USP30: variants seen among roughly 807,000 people sequenced by gnomAD.
USP30 encodes ubiquitin specific peptidase 30, also known as ubiquitin carboxyl-terminal hydrolase 30.
Under a neutral mutation model 68.2 loss-of-function variants are expected in USP30, and 41 were observed. That is an observed-to-expected ratio of 0.60 (90% CI 0.47 to 0.78). USP30 has a LOEUF of 0.78. USP30 is among the 30% of genes least tolerant of loss of function. USP30 has a pLI of 0.00. For synonymous variants in USP30, 229 were observed against 253.7 expected, an observed-to-expected ratio of 0.90 and a Z score of 0.93; for missense variants, 522 against 649.4, an observed-to-expected ratio of 0.80 and a Z score of 2.13.
intron 3 of USP30, among the ~76,000 whole-genome samples, chr12:109,061,991 A>T (rs2041083768): frequency 1.3e-5 from 2 of 152,128 alleles, no homozygotes; most frequent in African/African-American, 4.8e-5. Context: ...GCTGAAGTGC[A>T]GTGGTGCAGT....
At chr12:109,036,469 T>A (rs2040521599) in intron 3 of USP30, among the ~76,000 whole-genome samples, 1 of 152,070 alleles carries the variant, frequency 6.6e-6, no homozygotes, top group Non-Finnish European at 1.5e-5. Context: ...AGCTAATTTT[T>A]GTATTTTGGA....
At chr12:109,048,739 CAAA>C (rs60197959), upstream of USP30, among the ~76,000 whole-genome samples, 3 of 86,982 alleles carry the variant, frequency 3.4e-5, no homozygotes, top group Non-Finnish European at 2.5e-5. Context: ...GACTCTGTCT[CAAA>C]AAAAAAAAAA....
At chr12:109,081,550 G>T in intron 8 of USP30, 157 bp downstream of exon 8, 1 of 822,490 alleles carries the variant, frequency 1.2e-6, no homozygotes, top group Non-Finnish European at 1.9e-6. Flanking sequence ...ATGATTATGG[G>T]AGAGAGGAAA....
chr12:109,067,093 T>C (rs1324133420), intron 3 of USP30, among the ~76,000 whole-genome samples: 1 of 149,960 alleles, frequency 6.7e-6, no homozygotes, highest in Admixed American at 6.7e-5. Context: ...CTAAGGTTAA[T>C]CCTACAGTCC....
Position 109,035,605 on chromosome 12 carries a change from G to A in USP30, c.-136+8049G>A, listed in dbSNP as rs11066540. On this transcript the variant is annotated intron_variant, in intron 3 of 15. Transcript: ENST00000392784. ...TCTTGATCTCTTGGCCTAGTGATCC[G>A]CCCACCTCGGCCTCCCAAAGTGCTG... Among the ~76,000 whole-genome samples, 1,361 of 152,118 alleles carry A rather than the reference G, an allele frequency of 8.9e-3. 17 individuals are homozygous for A. The highest frequency in any genetic ancestry group is 0.031 in the African/African-American group (1,301 of 41,500).
chr12:109,068,578 C>CT (rs1172986420), intron 4 of USP30, among the ~76,000 whole-genome samples: 11 of 152,146 alleles, frequency 7.2e-5, no homozygotes, highest in Non-Finnish European at 1.6e-4. Context: ...TTAGAAAATA[C>CT]TTTTAAAATC....
intron 2 of USP30, among the ~76,000 whole-genome samples, chr12:109,057,321 T>C (rs2040908227): frequency 6.6e-6 from 1 of 152,186 alleles, no homozygotes; most frequent in African/African-American, 2.4e-5. Flanking sequence ...ACAGTTATAA[T>C]TGAGGTTTAT....
At chr12:109,050,250 C>T (rs1396254437), upstream of USP30, among the ~76,000 whole-genome samples, 2 of 152,076 alleles carry the variant, frequency 1.3e-5, no homozygotes, top group Non-Finnish European at 2.9e-5. Flanking sequence ...GCTGAGATCA[C>T]GCCACTGCAC....
intron 7 of USP30, among the ~76,000 whole-genome samples, chr12:109,078,733 TC>T (rs1371155666): frequency 2.0e-5 from 3 of 152,238 alleles, no homozygotes; most frequent in South Asian, 2.1e-4. Context: ...CCTAAAAACT[TC>T]CTTTTAACAT....
chr12:109,054,090 A>T (rs1441844444), intron 1 of USP30: 4 of 455,392 alleles, frequency 8.8e-6, no homozygotes, highest in Non-Finnish European at 1.8e-5. Flanking sequence ...CTTAAATATT[A>T]GTGTTTGATT....
chr12:109,023,888 C>T (rs1047458619), intron 1 of USP30, among the ~76,000 whole-genome samples: 2 of 151,992 alleles, frequency 1.3e-5, no homozygotes, highest in Non-Finnish European at 2.9e-5. Flanking sequence ...CTGCCTCGGC[C>T]TCCCAAAGTG....
chr12:109,044,478 AAAAG>A (rs2040586755), intron 3 of USP30, among the ~76,000 whole-genome samples: 1 of 151,634 alleles, frequency 6.6e-6, no homozygotes, highest in Non-Finnish European at 1.5e-5. Context: ...TCTCTACAAA[AAAAG>A]AAAAATCAGC....
At chr12:109,034,474 C>G (rs1263050025) in intron 3 of USP30, among the ~76,000 whole-genome samples, 1 of 152,076 alleles carries the variant, frequency 6.6e-6, no homozygotes, top group Non-Finnish European at 1.5e-5. Flanking sequence ...TGCCTGTAAT[C>G]CCAACGCTTT....
At chr12:109,032,400 A>G (rs2040489150) in intron 3 of USP30, among the ~76,000 whole-genome samples, 1 of 152,244 alleles carries the variant, frequency 6.6e-6, no homozygotes, top group Admixed American at 6.5e-5. Flanking sequence ...AATGTTTATC[A>G]AATGATATGA....
At chr12:109,059,150 A>G (rs1326135242) in intron 3 of USP30, among the ~76,000 whole-genome samples, 4 of 152,230 alleles carry the variant, frequency 2.6e-5, no homozygotes, top group Admixed American at 2.6e-4. Flanking sequence ...GTCACAATAT[A>G]CACTGGCTTG....
intron 3 of USP30, among the ~76,000 whole-genome samples, chr12:109,034,509 T>C (rs1232517520): frequency 6.6e-6 from 1 of 152,138 alleles, no homozygotes; most frequent in African/African-American, 2.4e-5. Flanking sequence ...GGAGGATCGC[T>C]TGAGCTCATG....
rs1039837265 is a variant in USP30 at position 109,053,836 on chromosome 12, G to A, written c.83+1075G>A. On this transcript the variant is annotated intron_variant, in intron 1 of 12. Coordinates refer to ENST00000257548, the MANE Select transcript of USP30 (RefSeq NM_032663.5). ...CTTATGCTGCCAAAGTCATGGACAA[G>A]TCCTCTCTCCCATCCCCTTGACACT... is the stretch of plus-strand genomic sequence containing the variant. The A allele has an allele frequency of 2.4e-4, 69 of 289,832 alleles. 1 individual carries two copies. The highest frequency in any genetic ancestry group is 4.0e-4 in the Non-Finnish European group (58 of 144,232). The allele number at this position is 289,832 out of a possible 1,614,324, so 18.0% of individuals were successfully genotyped here.
intron 3 of USP30, among the ~76,000 whole-genome samples, chr12:109,061,210 C>T (rs2041053760): frequency 1.3e-5 from 2 of 151,896 alleles, no homozygotes; most frequent in African/African-American, 4.8e-5. Flanking sequence ...GGGTTAAAAA[C>T]ACCACTCCAA....
intron 1 of USP30, chr12:109,053,015 G>A (rs2040719774): frequency 8.1e-6 from 3 of 372,432 alleles, no homozygotes; most frequent in Non-Finnish European, 1.4e-5. Context: ...ATTGTTCCCA[G>A]GACACCCGGG....
Sources: allele counts gnomAD v4.1 joint callset (sites outside exome capture counted in the v4.1 genomes callset), GRCh38; gene constraint gnomAD v4.1.1; transcripts MANE v1.5; gene names NCBI Gene and HGNC (gene_info 2026-07-23, HGNC 2026-07-21).